Variants in HIVEP3 observed in about 807,000 individuals in gnomAD.
The protein encoded by HIVEP3 is transcription factor HIVEP3.
HIVEP3 carries 49 observed loss-of-function variants against 152.8 expected under a neutral mutation model. The ratio of observed to expected loss-of-function variants is 0.32; its 90% confidence interval spans 0.26 to 0.41. The LOEUF (loss-of-function observed/expected upper bound fraction) is 0.41, where lower values mean the gene tolerates loss of function less well. Ranked by LOEUF, HIVEP3 falls within the 10% of genes least tolerant of loss-of-function variation. The probability of loss-of-function intolerance (pLI) is 1.00; values close to 1 mark genes in which losing one functional copy is unlikely to be tolerated. For synonymous variants in HIVEP3, 1,269 were observed against 1,289.0 expected (o/e 0.98, Z 0.33); for missense variants, 2,790 against 3,103.3 (o/e 0.90, Z 2.40).
intron 1 of HIVEP3, among the ~76,000 whole-genome samples, chr1:42,024,987 T>C (rs980715331): frequency 3.9e-5 from 6 of 152,218 alleles, no homozygotes; most frequent in South Asian, 2.1e-4. Flanking sequence ...TGTCTTTTTG[T>C]TGTTGTTGTT....
intron 5 of HIVEP3, among the ~76,000 whole-genome samples, chr1:41,532,542 T>C (rs1026069871): frequency 1.3e-5 from 2 of 152,146 alleles, no homozygotes; most frequent in African/African-American, 4.8e-5. Context: ...GCCATGGGAA[T>C]GGCCTGGAGG....
intron 2 of HIVEP3, among the ~76,000 whole-genome samples, chr1:41,634,787 A>G (rs900976353): frequency 6.6e-6 from 1 of 152,210 alleles, no homozygotes; most frequent in African/African-American, 2.4e-5. Context: ...TTCTCCAAGG[A>G]GATACAAAAA....
At chr1:41,735,236 A>G (rs1646899020) in intron 1 of HIVEP3, among the ~76,000 whole-genome samples, 1 of 152,228 alleles carries the variant, frequency 6.6e-6, no homozygotes, top group Admixed American at 6.5e-5. Context: ...ATTTCTATTG[A>G]GTGCCTGCTG....
chr1:41,657,362 C>T (rs1645644139), intron 2 of HIVEP3, among the ~76,000 whole-genome samples: 1 of 152,142 alleles, frequency 6.6e-6, no homozygotes, highest in African/African-American at 2.4e-5. Flanking sequence ...GGCCCTGGTC[C>T]CCATTCAGCC....
In HIVEP3 at chr1:41,892,725, G is replaced by A. The variant is rs371972855; in HGVS notation, c.-801+25688C>T. The stretch of plus-strand genomic sequence containing the variant: ...GGGTCAGTGTGGCTGCCTGGACTCT[G>A]CTGCTGACAGCTGCAGAGAGAAACT... On this transcript the variant is annotated intron_variant, in intron 1 of 8. Coordinates refer to ENST00000372583, the MANE Select transcript of HIVEP3 (RefSeq NM_024503.5). Among the ~76,000 whole-genome samples the A allele has an allele frequency of 3.9e-5, 6 of 152,120 alleles. No homozygotes were observed. The South Asian group carries it at 1.2e-3, about 31-fold the overall frequency.
intron 1 of HIVEP3, among the ~76,000 whole-genome samples, chr1:41,911,913 A>G (rs10890168): frequency 0.55 from 83,446 of 151,982 alleles, 23,359 homozygotes; most frequent in East Asian, 0.71. Flanking sequence ...CACCTGGGAA[A>G]GACCCAGGTA....
intron 5 of HIVEP3, among the ~76,000 whole-genome samples, chr1:41,563,360 A>G (rs927642445): frequency 5.0e-5 from 7 of 141,334 alleles, no homozygotes; most frequent in Non-Finnish European, 9.0e-5. Flanking sequence ...AAATAAATAG[A>G]TAAAAATTAA....
chr1:41,618,720 C>T (rs1416404720), intron 3 of HIVEP3, among the ~76,000 whole-genome samples: 1 of 152,194 alleles, frequency 6.6e-6, no homozygotes, highest in East Asian at 1.9e-4. Context: ...CAAAAGGGAC[C>T]TTGGAAGTTA....
chr1:41,516,324 C>T (rs1219357652), intron 7 of HIVEP3, among the ~76,000 whole-genome samples: 1 of 152,214 alleles, frequency 6.6e-6, no homozygotes, highest in Non-Finnish European at 1.5e-5. Flanking sequence ...GGGCGCCTGG[C>T]TCCTTCCAGG....
At chr1:41,557,972 G>A (rs948341352) in intron 5 of HIVEP3, among the ~76,000 whole-genome samples, 6 of 152,170 alleles carry the variant, frequency 3.9e-5, no homozygotes, top group South Asian at 2.1e-4. Flanking sequence ...TGAGGTAGGC[G>A]CTGTTCTCTC....
At chr1:41,668,270 C>A (rs1645825518) in intron 2 of HIVEP3, among the ~76,000 whole-genome samples, 1 of 152,234 alleles carries the variant, frequency 6.6e-6, no homozygotes, top group Non-Finnish European at 1.5e-5. Context: ...CAGAAAATAA[C>A]TATGACAACA....
At chr1:41,566,822 T>C (rs1352099984) in intron 5 of HIVEP3, among the ~76,000 whole-genome samples, 1 of 152,150 alleles carries the variant, frequency 6.6e-6, no homozygotes, top group African/African-American at 2.4e-5. Context: ...CTCCTCAATC[T>C]CTTCTGCAGC....
rs760713774 is a variant in HIVEP3 at position 41,585,154 on chromosome 1, C to T, written c.-357G>A. 1.3e-4 allele frequency: 53 copies of T among 399,128 alleles called. No homozygotes were observed. Among genetic ancestry groups the T allele is most frequent in the Middle Eastern group, 1.2e-3 (2 of 1,610 alleles). The allele number at this position is 399,128 out of a possible 1,614,324, so 24.7% of individuals were successfully genotyped here. ...TGGCAGGTGGCCCCCACGAGTCCCCCGTGTGCTATGCAAACGGTTGAAGGT... is the reference window on the plus strand; with the variant it reads ...TGGCAGGTGGCCCCCACGAGTCCCCTGTGTGCTATGCAAACGGTTGAAGGT... On this transcript the variant is annotated 5_prime_UTR_variant, in exon 4 of 9. Transcript: ENST00000372583.
chr1:41,967,862 A>G (rs1645208094), intron 1 of HIVEP3, among the ~76,000 whole-genome samples: 1 of 152,228 alleles, frequency 6.6e-6, no homozygotes, highest in South Asian at 2.1e-4. Context: ...AGGGGATATC[A>G]TCACAGACCC....
At chr1:41,732,499 G>T (rs1299194782) in intron 1 of HIVEP3, among the ~76,000 whole-genome samples, 2 of 152,138 alleles carry the variant, frequency 1.3e-5, no homozygotes, top group Non-Finnish European at 2.9e-5. Context: ...GCCAAGGAAA[G>T]GCCACTGGGG....
At chr1:41,839,559 T>C (rs1643225140) in intron 1 of HIVEP3, among the ~76,000 whole-genome samples, 1 of 152,160 alleles carries the variant, frequency 6.6e-6, no homozygotes, top group Non-Finnish European at 1.5e-5. Flanking sequence ...AAGTTGCCCA[T>C]AGGAGGATTC....
At chr1:42,024,225 A>C (rs1645570018) in intron 1 of HIVEP3, among the ~76,000 whole-genome samples, 1 of 152,150 alleles carries the variant, frequency 6.6e-6, no homozygotes, top group African/African-American at 2.4e-5. Context: ...TTTAGTTGTT[A>C]GGTACATATA....
At chr1:41,886,665 T>C (rs1317848909) in intron 1 of HIVEP3, among the ~76,000 whole-genome samples, 1 of 129,232 alleles carries the variant, frequency 7.7e-6, no homozygotes, top group Non-Finnish European at 1.5e-5. Context: ...TGAGCTGAGA[T>C]CGCGCCATTG....
At chr1:41,919,697 A>AG (rs1416929042), upstream of HIVEP3, among the ~76,000 whole-genome samples, 4 of 152,156 alleles carry the variant, frequency 2.6e-5, no homozygotes, top group Admixed American at 2.6e-4. Context: ...AAAACAGGGT[A>AG]GGGGGAGAGA....
Sources: gnomAD v4.1 joint callset for allele counts (sites outside exome capture counted in the v4.1 genomes callset) on GRCh38, gnomAD v4.1.1 for gene constraint, MANE v1.5 for transcripts, NCBI Gene and HGNC (gene_info 2026-07-23, HGNC 2026-07-21) for gene names.